CELF2: variants seen among roughly 807,000 people sequenced by gnomAD.
CELF2 encodes the protein CUG triplet repeat RNA-binding protein 2.
A neutral mutation model predicts 62.6 loss-of-function variants in CELF2; 8 were observed. The observed-to-expected ratio is 0.13, with a 90% CI of 0.07 to 0.23. CELF2 has a LOEUF of 0.23. Among genes scored for constraint, CELF2 ranks in the 10% least tolerant of loss-of-function variants. CELF2 has a pLI of 1.00. For synonymous variants in CELF2, 258 were observed against 250.0 expected (o/e 1.03, Z -0.30); for missense variants, 333 against 671.0 (o/e 0.50, Z 5.56).
rs869213973 is a variant in CELF2, at chr10:11,211,813, AGTGTGTGTGTGT to A, written c.272-5581_272-5570del. On this transcript the variant is annotated intron_variant, in intron 2 of 12. Coordinates refer to ENST00000633077, the MANE Select transcript of CELF2 (RefSeq NM_001326342.2). This position sits in a 1 kb window ranked among gnomAD's most constrained non-coding sequence, Gnocchi z 4.8. Reference sequence around the variant, plus strand: ...GTGTGAGAGAGAGAGAGAGAGAGAGAGTGTGTGTGTGTGTGTGTGTGTGTGTGTGTGTGTGTG... The same window carrying A: ...GTGTGAGAGAGAGAGAGAGAGAGAGAGTGTGTGTGTGTGTGTGTGTGTGTG... Among the ~76,000 whole-genome samples the A allele has an allele frequency of 5.4e-4, 48 of 89,358 alleles. No homozygotes were observed. Among genetic ancestry groups the A allele is most frequent in the East Asian group, 2.4e-3 (9 of 3,808 alleles). 58.6% of individuals were successfully genotyped at this position (89,358 alleles called of 152,430 possible).
chr10:11,320,096 TTAAAGAACTGTGATCA>T (rs2095342895), intron 10 of CELF2, among the ~76,000 whole-genome samples: 1 of 152,212 alleles, frequency 6.6e-6, no homozygotes, highest in African/African-American at 2.4e-5. Context: ...ACATCTTTTC[TTAAAGAACTGTGATCA>T]TAAAGGGACC....
At chr10:10,862,409 G>A (rs2060096722) in intron 1 of CELF2, among the ~76,000 whole-genome samples, 1 of 152,156 alleles carries the variant, frequency 6.6e-6, no homozygotes, top group Non-Finnish European at 1.5e-5. Flanking sequence ...GATGCTGGTT[G>A]TCATCTGGAA....
At position 11,044,989 on chromosome 10, in the gene CELF2, T is replaced by C. The variant is rs539713916; in HGVS notation, c.74+26826T>C. On this transcript the variant is annotated intron_variant, in intron 1 of 12. Transcript: ENST00000633077. ...CCTTCCAGGCCTCTACTCGCCTGTT[T>C]ATTCCATTTAATAGAATAGCCAAAA... 8.1e-4 allele frequency among the ~76,000 whole-genome samples: 123 copies of C among 152,374 alleles called. 2 individuals carry two copies. The highest frequency in any genetic ancestry group is 1.5e-3 in the Non-Finnish European group (105 of 68,034).
At chr10:11,026,070 A>G (rs1186075104) in intron 1 of CELF2, among the ~76,000 whole-genome samples, 1 of 61,036 alleles carries the variant, frequency 1.6e-5, no homozygotes, top group African/African-American at 2.9e-5. Context: ...GTAGGAAGAA[A>G]AACAGACTTC....
intron 9 of CELF2, among the ~76,000 whole-genome samples, chr10:11,304,472 T>C (rs1363463539): frequency 6.6e-6 from 1 of 152,256 alleles, no homozygotes; most frequent in Non-Finnish European, 1.5e-5. Context: ...CTCTGGAGAC[T>C]GAGAAGTCCA....
intron 8 of CELF2, among the ~76,000 whole-genome samples, chr10:11,277,107 C>A (rs547736923): frequency 6.6e-6 from 1 of 152,174 alleles, no homozygotes; most frequent in African/African-American, 2.4e-5. Flanking sequence ...GTGTAGCTGT[C>A]GGGCTCTGTG....
At chr10:10,726,538 A>G in the CELF2 span, among the ~76,000 whole-genome samples, 2 of 152,144 alleles carry the variant, frequency 1.3e-5, no homozygotes, top group Non-Finnish European at 2.9e-5. Flanking sequence ...TCCCGCTTTT[A>G]GAATCTTCCT....
chr10:10,616,717 T>TGAGAGA, the CELF2 span, among the ~76,000 whole-genome samples: 1 of 138,684 alleles, frequency 7.2e-6, no homozygotes, highest in African/African-American at 2.7e-5. Flanking sequence ...TGTGTGTGTG[T>TGAGAGA]GTGAGAGAGA....
chr10:11,014,808 T>C (rs973110679), upstream of CELF2, among the ~76,000 whole-genome samples: 1 of 152,160 alleles, frequency 6.6e-6, no homozygotes, highest in Admixed American at 6.5e-5. Flanking sequence ...AATTCTTGAA[T>C]TGCCTTTTGT....
rs541885418 is a variant in CELF2 at position 10,931,682 on chromosome 10, C to G, written c.89+11683C>G. 7.9e-5 allele frequency among the ~76,000 whole-genome samples: 12 copies of G among 152,268 alleles called. No individual in the cohort carries two copies. In the South Asian group the frequency reaches 2.5e-3, roughly 32 times the overall value. On this transcript the variant is annotated intron_variant, in intron 2 of 13. Coordinates refer to the CELF2 transcript ENST00000636488. This position sits in a 1 kb window ranked among gnomAD's most constrained non-coding sequence, Gnocchi z 6.1. ...GGTTTACAAGTTTTTAAAATACATACCTAATTAATAATGGAGATGCTTATG... is the reference window on the plus strand; with the variant it reads ...GGTTTACAAGTTTTTAAAATACATAGCTAATTAATAATGGAGATGCTTATG...
At chr10:10,580,617 C>T in the CELF2 span, among the ~76,000 whole-genome samples, 2 of 152,096 alleles carry the variant, frequency 1.3e-5, no homozygotes, top group South Asian at 2.1e-4. Context: ...GATTGAAACC[C>T]ACAATTTTGA....
Position 11,226,600 on chromosome 10 carries a change from C to CCACACAAA in CELF2, c.354+9099_354+9100insAACACACA, listed in dbSNP as rs1298908039. 3.0e-3 allele frequency among the ~76,000 whole-genome samples: 77 copies of CCACACAAA among 25,962 alleles called. No homozygotes were observed. The East Asian group carries it at 0.14, about 47-fold the overall frequency. 17.0% of individuals were successfully genotyped at this position (25,962 alleles called of 152,430 possible). On this transcript the variant is annotated intron_variant, in intron 3 of 12. Transcript: ENST00000633077. Reference sequence around the variant, plus strand: ...TAGAAGTCAGCTGGGCAGGCAGTGGCCACACACACACACACACACACACAC... The same window carrying CCACACAAA: ...TAGAAGTCAGCTGGGCAGGCAGTGGCCACACAAACACACACACACACACACACACACAC...
the CELF2 span, among the ~76,000 whole-genome samples, chr10:10,636,057 TATATC>T: frequency 2.0e-5 from 3 of 152,216 alleles, no homozygotes; most frequent in African/African-American, 7.2e-5. Flanking sequence ...CCTTAAGAAA[TATATC>T]AAATAACTTA....
At chr10:10,828,070 C>T (rs1401581770) in intron 1 of CELF2, among the ~76,000 whole-genome samples, 2 of 119,436 alleles carry the variant, frequency 1.7e-5, no homozygotes, top group African/African-American at 6.3e-5. Context: ...GAATGTAAAA[C>T]AGTGCAGTTG....
the CELF2 span, among the ~76,000 whole-genome samples, chr10:10,475,762 AT>A: frequency 1.3e-5 from 2 of 152,146 alleles, no homozygotes; most frequent in Non-Finnish European, 2.9e-5. Flanking sequence ...TTTTTTATGC[AT>A]AAAAGACTTA....
intron 1 of CELF2, among the ~76,000 whole-genome samples, chr10:11,153,136 G>A (rs1056013695): frequency 6.6e-6 from 1 of 152,142 alleles, no homozygotes; most frequent in African/African-American, 2.4e-5. Context: ...CCAAGAAACT[G>A]GCAATTTAAT....
At chr10:11,118,028 C>T (rs2056934530) in intron 1 of CELF2, among the ~76,000 whole-genome samples, 2 of 152,110 alleles carry the variant, frequency 1.3e-5, no homozygotes, top group Non-Finnish European at 2.9e-5. Context: ...TAATCAGAAG[C>T]ATTTAATTGT....
chr10:11,026,367 C>A (rs1437117798), intron 1 of CELF2, among the ~76,000 whole-genome samples: 1 of 152,168 alleles, frequency 6.6e-6, no homozygotes, highest in Non-Finnish European at 1.5e-5. Context: ...AACTTAAATA[C>A]CTACCCGCCT....
At chr10:11,250,798 G>A (rs2076900943) in intron 4 of CELF2, among the ~76,000 whole-genome samples, 1 of 152,176 alleles carries the variant, frequency 6.6e-6, no homozygotes, top group Non-Finnish European at 1.5e-5. Context: ...CTCAAATAAG[G>A]TGTTTGTAAC....
Sources: gnomAD v4.1 joint callset for allele counts (sites outside exome capture counted in the v4.1 genomes callset) on GRCh38, gnomAD v4.1.1 for gene constraint, Gnocchi (gnomAD v3.1) non-coding constraint, MANE v1.5 for transcripts, NCBI Gene and HGNC (gene_info 2026-07-23, HGNC 2026-07-21) for gene names.